The following KCNH8 variants were observed in gnomAD, a reference collection of about 807,000 sequenced individuals.
KCNH8 encodes the protein potassium voltage-gated channel subfamily H member 8.
KCNH8 carries 70 observed loss-of-function variants against 103.6 expected under a neutral mutation model. The observed-to-expected ratio is 0.68, with a 90% CI of 0.56 to 0.82. KCNH8 has a LOEUF of 0.82. KCNH8 is among the 40% of genes least tolerant of loss of function. The pLI is 0.00. For missense variants in KCNH8, 1,217 were observed against 1,329.9 expected (o/e 0.92, Z 1.32); for synonymous variants, 498 against 489.4 (o/e 1.02, Z -0.23).
At position 19,507,508 on chromosome 3, in the gene KCNH8, C is replaced by T. The variant is rs561509491; in HGVS notation, c.2041-2855C>T. 1.3e-5 allele frequency among the ~76,000 whole-genome samples: 2 copies of T among 152,224 alleles called. 1 individual carries two copies. The highest frequency in any genetic ancestry group is 4.8e-5 in the African/African-American group (2 of 41,552). On this transcript the variant is annotated intron_variant, in intron 11 of 15. Coordinates refer to ENST00000328405, the MANE Select transcript of KCNH8 (RefSeq NM_144633.3). ...AGCATAGTGACTAGGCCCTTTGTTC[C>T]ATCCCCAGCCCCACAGCGATTAGGG...
At chr3:19,522,918 T>G (rs2068997828) in intron 15 of KCNH8, among the ~76,000 whole-genome samples, 1 of 151,868 alleles carries the variant, frequency 6.6e-6, no homozygotes, top group Non-Finnish European at 1.5e-5. Flanking sequence ...GTATTTCAGT[T>G]TTACCCTTTA....
chr3:19,446,885 C>G (rs887128856), intron 8 of KCNH8, among the ~76,000 whole-genome samples: 1 of 151,912 alleles, frequency 6.6e-6, no homozygotes, highest in Non-Finnish European at 1.5e-5. Flanking sequence ...TCTATAGAAG[C>G]ACTTCTTTCA....
intron 5 of KCNH8, among the ~76,000 whole-genome samples, chr3:19,356,900 C>T (rs1441616262): frequency 6.6e-6 from 1 of 151,566 alleles, no homozygotes; most frequent in Non-Finnish European, 1.5e-5. Context: ...TTTCTTTCTT[C>T]CACGAATATG....
intron 11 of KCNH8, among the ~76,000 whole-genome samples, chr3:19,485,589 CA>C (rs1335605176): frequency 1.3e-5 from 2 of 152,176 alleles, no homozygotes; most frequent in Non-Finnish European, 2.9e-5. Context: ...TCCTATCTGG[CA>C]GTCTGATCTA....
rs112631459 is a variant in KCNH8 at position 19,453,733 on chromosome 3, G to A, written c.1825+2329G>A. 4.1e-4 allele frequency among the ~76,000 whole-genome samples: 62 copies of A among 152,224 alleles called. 1 individual carries two copies. The highest frequency in any genetic ancestry group is 1.3e-3 in the African/African-American group (55 of 41,556). On this transcript the variant is annotated intron_variant, in intron 10 of 15. Transcript: ENST00000328405. ...CCTTTCTCCCATGTGCGGACACAAC[G>A]GAAAGGTGCCATTTGTGAATCACAA...
intron 11 of KCNH8, among the ~76,000 whole-genome samples, chr3:19,477,532 C>G (rs2068002767): frequency 6.6e-6 from 1 of 151,726 alleles, no homozygotes; most frequent in South Asian, 2.1e-4. Context: ...CAAATGCTTT[C>G]TCTCTGGAGA....
chr3:19,282,026 A>G (rs2064763114), intron 3 of KCNH8, among the ~76,000 whole-genome samples: 1 of 152,156 alleles, frequency 6.6e-6, no homozygotes, highest in African/African-American at 2.4e-5. Context: ...TCTAGTCACC[A>G]GAGAAAAAGC....
chr3:19,472,271 G>A (rs1189819743), intron 11 of KCNH8, among the ~76,000 whole-genome samples: 1 of 148,698 alleles, frequency 6.7e-6, no homozygotes, highest in East Asian at 2.0e-4. Context: ...ATAACAGAAT[G>A]TTAGAACACA....
At chr3:19,419,350 C>T (rs1434795044) in intron 7 of KCNH8, among the ~76,000 whole-genome samples, 3 of 150,458 alleles carry the variant, frequency 2.0e-5, no homozygotes, top group South Asian at 2.1e-4. Flanking sequence ...CAGGCGCCCG[C>T]CACCACGCCC....
At chr3:19,479,573 GA>G (rs937172398) in intron 11 of KCNH8, among the ~76,000 whole-genome samples, 6 of 152,086 alleles carry the variant, frequency 3.9e-5, no homozygotes, top group Non-Finnish European at 5.9e-5. Flanking sequence ...CCTTTCTCCA[GA>G]GGTTTCCATT....
chr3:19,204,359 A>C (rs1272608341), intron 1 of KCNH8, among the ~76,000 whole-genome samples: 1 of 152,028 alleles, frequency 6.6e-6, no homozygotes, highest in Non-Finnish European at 1.5e-5. Context: ...TCTACTGCTA[A>C]TTGATTTGAA....
chr3:19,228,644 A>G (rs1472900843), intron 1 of KCNH8, among the ~76,000 whole-genome samples: 1 of 152,226 alleles, frequency 6.6e-6, no homozygotes, highest in Non-Finnish European at 1.5e-5. Context: ...AAATGTATCT[A>G]TGTTGACAAA....
intron 7 of KCNH8, among the ~76,000 whole-genome samples, chr3:19,406,536 A>G (rs1383974778): frequency 6.6e-6 from 1 of 152,092 alleles, no homozygotes; most frequent in African/African-American, 2.4e-5. Flanking sequence ...TAGTATTTTA[A>G]GACTTCTGTC....
intron 5 of KCNH8, among the ~76,000 whole-genome samples, chr3:19,358,472 G>A (rs1361464236): frequency 6.6e-6 from 1 of 151,844 alleles, no homozygotes; most frequent in Non-Finnish European, 1.5e-5. Flanking sequence ...AGGAAGAAAA[G>A]TGAAGCCAGA....
At chr3:19,301,405 A>C (rs1488363150) in intron 3 of KCNH8, among the ~76,000 whole-genome samples, 1 of 149,600 alleles carries the variant, frequency 6.7e-6, no homozygotes, top group Non-Finnish European at 1.5e-5. Flanking sequence ...AAATATATAT[A>C]ATTTTATGCT....
intron 7 of KCNH8, among the ~76,000 whole-genome samples, chr3:19,430,163 A>G (rs569331027): frequency 6.6e-6 from 1 of 152,190 alleles, no homozygotes; most frequent in Non-Finnish European, 1.5e-5. Flanking sequence ...AGGAAGCGGT[A>G]CCATTTCAAT....
rs145572383 is a variant in KCNH8, at chr3:19,396,624, C to T, written c.1177+1313C>T. Among the ~76,000 whole-genome samples the T allele has an allele frequency of 6.4e-3, 971 of 151,966 alleles. 10 individuals are homozygous for T. The highest frequency in any genetic ancestry group is 0.02 in the African/African-American group (810 of 41,458). On this transcript the variant is annotated intron_variant, in intron 7 of 15. Transcript: ENST00000328405. ...AATAAAACTACCAAGTGAAAGCAAA[C>T]ATATCTTAGATAAAAATAAGATCCA... is the stretch of plus-strand genomic sequence containing the variant.
chr3:19,429,326 A>G (rs1250659070), intron 7 of KCNH8, among the ~76,000 whole-genome samples: 1 of 151,996 alleles, frequency 6.6e-6, no homozygotes, highest in Non-Finnish European at 1.5e-5. Context: ...GGTGCCCGCC[A>G]CTACATCCGG....
chr3:19,206,965 A>C (rs547463757), intron 1 of KCNH8, among the ~76,000 whole-genome samples: 2 of 152,052 alleles, frequency 1.3e-5, no homozygotes, highest in Non-Finnish European at 2.9e-5. Flanking sequence ...TTGGTTTTTG[A>C]ACTTGAAATT....
Sources: gnomAD v4.1 joint callset for allele counts (sites outside exome capture counted in the v4.1 genomes callset) on GRCh38, gnomAD v4.1.1 for gene constraint, MANE v1.5 for transcripts, NCBI Gene and HGNC (gene_info 2026-07-23, HGNC 2026-07-21) for gene names.